The following POLR2F variants were observed in gnomAD, a reference collection of about 807,000 sequenced individuals.
POLR2F encodes the protein DNA-directed RNA polymerases I, II, and III subunit RPABC2.
A neutral mutation model predicts 22.7 loss-of-function variants in POLR2F; 12 were observed. The observed-to-expected ratio is 0.53, with a 90% CI of 0.34 to 0.86. The LOEUF (loss-of-function observed/expected upper bound fraction) is 0.86, where lower values mean the gene tolerates loss of function less well. Among genes scored for constraint, POLR2F ranks in the 40% least tolerant of loss-of-function variants. The probability of loss-of-function intolerance (pLI) is 0.02; values close to 1 mark genes in which losing one functional copy is unlikely to be tolerated. For missense variants in POLR2F, 126 were observed against 171.5 expected, an observed-to-expected ratio of 0.73 and a Z score of 1.48; for synonymous variants, 57 against 66.0, an observed-to-expected ratio of 0.86 and a Z score of 0.66.
chr22:37,956,891 T>C (rs1463027752), intron 2 of POLR2F, 49 bp downstream of exon 2: 1 of 1,413,596 alleles, frequency 7.1e-7, no homozygotes, highest in Non-Finnish European at 1.0e-6. Context: ...AGCTGCCAAA[T>C]CGTCTGACAG....
At chr22:38,015,915 G>T (rs552477012) in intron 1 of POLR2F, among the ~76,000 whole-genome samples, 2 of 152,192 alleles carry the variant, frequency 1.3e-5, no homozygotes, top group East Asian at 1.9e-4. Flanking sequence ...GGCGGTGGGG[G>T]TGCATCTGAG....
intron 1 of POLR2F, among the ~76,000 whole-genome samples, chr22:37,990,029 C>T (rs1006817926): frequency 2.0e-5 from 3 of 152,222 alleles, no homozygotes; most frequent in African/African-American, 7.2e-5. Context: ...TGCCTCCTTA[C>T]TGAACAGCCT....
chr22:37,967,034 C>A, intron 3 of POLR2F, 65 bp from the exon 4 acceptor site: 1 of 1,209,008 alleles, frequency 8.3e-7, no homozygotes, highest in Non-Finnish European at 1.2e-6. Context: ...GTTCCACCCT[C>A]ACTGCCTGTT....
At chr22:37,973,493 C>A (rs754984168), downstream of POLR2F, 3 of 1,578,292 alleles carry the variant, frequency 1.9e-6, no homozygotes, top group African/African-American at 4.1e-5. Flanking sequence ...ACAGGGCCCC[C>A]TTTAGGGCCG....
chr22:38,013,437 C>T (rs947921426), intron 1 of POLR2F, among the ~76,000 whole-genome samples: 8 of 152,212 alleles, frequency 5.3e-5, no homozygotes, highest in Admixed American at 2.0e-4. Context: ...TGAGCCACTA[C>T]GCCCGGTCAG....
Position 37,997,838 on chromosome 22 carries a change from G to A in POLR2F, c.120+11526G>A, listed in dbSNP as rs1158959111. Among the ~76,000 whole-genome samples, 1 of 152,160 alleles carries A rather than the reference G, an allele frequency of 6.6e-6. No individual in the cohort carries two copies. The highest frequency in any genetic ancestry group is 1.5e-5 in the Non-Finnish European group (1 of 68,018). On this transcript the variant is annotated intron_variant, in intron 1 of 2. Transcript: ENST00000333418. The surrounding 1 kb of genome is among the most constrained non-coding windows in gnomAD (Gnocchi z 4.4). ...CCCACAGCTCACCGTCTGTCGAGGGGGGACAGGCAGGAGGTAAGGATGCGT... is the reference window on the plus strand; with the variant it reads ...CCCACAGCTCACCGTCTGTCGAGGGAGGACAGGCAGGAGGTAAGGATGCGT...
In POLR2F at chr22:38,035,053, GC is replaced by G. The variant is rs752245821; in HGVS notation, c.453-6012del. Among the ~76,000 whole-genome samples the G allele has an allele frequency of 7.9e-5, 12 of 151,722 alleles. No homozygotes were observed. The East Asian group carries it at 2.1e-3, about 27-fold the overall frequency. ...ACACCTCTTGGCCTCTGCAAATCCTGCCCATCCCTCCATAACACACATAGTG... is the reference window on the plus strand; with the variant it reads ...ACACCTCTTGGCCTCTGCAAATCCTGCCATCCCTCCATAACACACATAGTG... On this transcript the variant is annotated intron_variant, in intron 5 of 5. Coordinates refer to the POLR2F transcript ENST00000407936.
chr22:38,033,754 C>T (rs774428196), intron 5 of POLR2F, among the ~76,000 whole-genome samples: 3 of 152,148 alleles, frequency 2.0e-5, no homozygotes, highest in Non-Finnish European at 4.4e-5. Context: ...GGGAAGCCAC[C>T]GGAAGGCGCC....
rs1456683805 is a variant in POLR2F at position 37,978,666 on chromosome 22, A to G, written c.293+11496A>G. 6.6e-6 allele frequency among the ~76,000 whole-genome samples: 1 copy of G among 152,184 alleles called. No individual in the cohort carries two copies. The highest frequency in any genetic ancestry group is 2.4e-5 in the African/African-American group (1 of 41,442). On this transcript the variant is annotated intron_variant, in intron 4 of 4. Transcript: ENST00000405557. This position sits in a 1 kb window ranked among gnomAD's most constrained non-coding sequence, Gnocchi z 5.0. ...GAGTTTCTTCACCTATAAAAGGATGATAACATTGGCTTAACTTGGGTGTGG... is the reference window on the plus strand; with the variant it reads ...GAGTTTCTTCACCTATAAAAGGATGGTAACATTGGCTTAACTTGGGTGTGG...
intron 5 of POLR2F, chr22:38,040,650 T>C (rs944394919): frequency 2.2e-5 from 5 of 223,358 alleles, no homozygotes; most frequent in Non-Finnish European, 4.5e-5. Flanking sequence ...CAGCACACAG[T>C]AGATGTTCAG....
At chr22:37,990,486 C>T (rs1209892329) in intron 1 of POLR2F, among the ~76,000 whole-genome samples, 6 of 152,258 alleles carry the variant, frequency 3.9e-5, no homozygotes, top group Non-Finnish European at 7.3e-5. Context: ...CCCTTCCTGG[C>T]GTCTGCCCTG....
At chr22:38,015,243 GAA>G (rs1169224262) in intron 1 of POLR2F, among the ~76,000 whole-genome samples, 1 of 152,240 alleles carries the variant, frequency 6.6e-6, no homozygotes, top group African/African-American at 2.4e-5. Context: ...TTCTATTGGA[GAA>G]AGAGTTGGTG....
At chr22:38,013,185 G>T (rs778801918) in intron 1 of POLR2F, among the ~76,000 whole-genome samples, 8 of 148,256 alleles carry the variant, frequency 5.4e-5, no homozygotes, top group African/African-American at 1.7e-4. Flanking sequence ...TCTCACTGTC[G>T]TCCAGGCTGG....
upstream of POLR2F, chr22:37,983,626 C>G (rs778038020): frequency 1.2e-6 from 2 of 1,604,762 alleles, no homozygotes; most frequent in Non-Finnish European, 1.7e-6. This position sits in a 1 kb window ranked among gnomAD's most constrained non-coding sequence, Gnocchi z 9.5. Flanking sequence ...CCTTCTTGAC[C>G]TTGCCCAGCT....
intron 1 of POLR2F, among the ~76,000 whole-genome samples, chr22:37,954,591 G>T (rs1931288821): frequency 6.6e-6 from 1 of 152,142 alleles, no homozygotes; most frequent in African/African-American, 2.4e-5. Flanking sequence ...GTGAGCCACC[G>T]TGCCCGGCCT....
At chr22:37,970,526 G>C (rs1245069488), downstream of POLR2F, among the ~76,000 whole-genome samples, 1 of 139,264 alleles carries the variant, frequency 7.2e-6, no homozygotes, top group East Asian at 2.3e-4. Flanking sequence ...GGAAGCACTT[G>C]AACCCAGGAG....
intron 1 of POLR2F, among the ~76,000 whole-genome samples, chr22:38,023,839 A>AT (rs56162997): frequency 0.53 from 60,903 of 115,344 alleles, 16,579 homozygotes; most frequent in East Asian, 0.64. Context: ...CGCCTGGCTA[A>AT]TTTTTTTTTT....
chr22:37,995,173 A>G (rs1232209349), intron 1 of POLR2F, among the ~76,000 whole-genome samples: 1 of 152,192 alleles, frequency 6.6e-6, no homozygotes, highest in Non-Finnish European at 1.5e-5. Flanking sequence ...TCTGACGTCT[A>G]TCAGATTTGC....
chr22:37,981,157 T>C (rs1047282709), intron 4 of POLR2F, among the ~76,000 whole-genome samples: 4 of 152,150 alleles, frequency 2.6e-5, no homozygotes, highest in Admixed American at 2.6e-4. Flanking sequence ...TGTGTATCTT[T>C]CTCTTTTTGG....
Sources: allele counts gnomAD v4.1 joint callset (sites outside exome capture counted in the v4.1 genomes callset), GRCh38; gene constraint gnomAD v4.1.1; non-coding constraint Gnocchi (gnomAD v3.1); transcripts MANE v1.5; gene names NCBI Gene and HGNC (gene_info 2026-07-23, HGNC 2026-07-21).